SCMH1: variants seen among roughly 807,000 people sequenced by gnomAD.
SCMH1 encodes the protein Scm polycomb group protein homolog 1, also known as polycomb protein SCMH1.
A neutral mutation model predicts 70.8 loss-of-function variants in SCMH1; 37 were observed. That is an observed-to-expected ratio of 0.52 (90% CI 0.40 to 0.69). SCMH1 has a LOEUF of 0.69. Among genes scored for constraint, SCMH1 ranks in the 30% least tolerant of loss-of-function variants. SCMH1 has a pLI of 0.00. For missense variants in SCMH1, 607 were observed against 827.3 expected (o/e 0.73, Z 3.27); for synonymous variants, 292 against 307.4 (o/e 0.95, Z 0.52).
At chr1:41,034,135 A>AC (rs1644947800) in intron 13 of SCMH1, 87 bp from the exon 14 acceptor site, 1 of 1,520,134 alleles carries the variant, frequency 6.6e-7, no homozygotes, top group African/African-American at 1.4e-5. Flanking sequence ...AGGTGAGATG[A>AC]CTGACTCAAG....
chr1:41,168,615 C>T (rs1646567618), intron 2 of SCMH1, among the ~76,000 whole-genome samples: 1 of 144,820 alleles, frequency 6.9e-6, no homozygotes, highest in South Asian at 2.2e-4. Flanking sequence ...ATCTCTATTT[C>T]ACTTGTGGAG....
At chr1:41,151,666 T>C (rs757426384) in exon 5 of SCMH1, 4 of 1,611,888 alleles carry the variant, frequency 2.5e-6, no homozygotes, top group Non-Finnish European at 3.4e-6. Flanking sequence ...TTTTAGGTAT[T>C]TGTCCCAGGT....
At chr1:41,126,322 T>A (rs1241326892) in intron 6 of SCMH1, among the ~76,000 whole-genome samples, 2 of 152,212 alleles carry the variant, frequency 1.3e-5, no homozygotes, top group African/African-American at 4.8e-5. Context: ...GGTTATTACA[T>A]CCATTTGATT....
At position 41,113,392 on chromosome 1, in the gene SCMH1, A is replaced by G. The variant is rs1393665109; in HGVS notation, c.636T>C (p.Asp212=). ...AGTAGTCAAAGGCCCCTCGCCACCCATCAAAAGTGACAAGCACCTCTGAGC... is the reference window on the plus strand; with the variant it reads ...AGTAGTCAAAGGCCCCTCGCCACCCGTCAAAAGTGACAAGCACCTCTGAGC... The change falls in exon 8 of 15, where the codon GAT becomes GAC. Residue 212 remains aspartate (D), a synonymous_variant. Transcript: ENST00000337495. This position sits in a 1 kb window ranked among gnomAD's most constrained non-coding sequence, Gnocchi z 4.3. The G allele has an allele frequency of 6.2e-7, 1 of 1,614,082 alleles. No individual in the cohort carries two copies. Among genetic ancestry groups the G allele is most frequent in the Non-Finnish European group, 8.5e-7 (1 of 1,179,966 alleles).
At chr1:41,152,881 T>C in intron 4 of SCMH1, 1 of 790,440 alleles carries the variant, frequency 1.3e-6, no homozygotes, top group Non-Finnish European at 1.9e-6. Context: ...GCCAAATAGA[T>C]TTGGCCAGAA....
chr1:41,060,857 G>A (rs989052789), intron 10 of SCMH1, among the ~76,000 whole-genome samples: 2 of 151,998 alleles, frequency 1.3e-5, no homozygotes, highest in African/African-American at 4.8e-5. Context: ...CTACATTGTT[G>A]CCTAGGTGCC....
chr1:41,186,075 T>A, intron 2 of SCMH1, 46 bp downstream of exon 2: 1 of 1,543,700 alleles, frequency 6.5e-7, no homozygotes, highest in Non-Finnish European at 8.8e-7. Flanking sequence ...CCTTGCTAGG[T>A]CTCTTAATCC....
chr1:41,094,284 T>C (rs1664476292), intron 8 of SCMH1, among the ~76,000 whole-genome samples: 1 of 152,214 alleles, frequency 6.6e-6, no homozygotes, highest in Admixed American at 6.5e-5. Flanking sequence ...ATCAAGTATA[T>C]CATTACTATT....
chr1:41,213,270 T>C (rs1201104528), intron 1 of SCMH1, among the ~76,000 whole-genome samples: 3 of 152,210 alleles, frequency 2.0e-5, no homozygotes, highest in Admixed American at 2.0e-4. Context: ...GACACATAGA[T>C]ATGTGATATT....
At chr1:41,200,353 A>G (rs894690548) in intron 1 of SCMH1, among the ~76,000 whole-genome samples, 2 of 151,942 alleles carry the variant, frequency 1.3e-5, no homozygotes, top group African/African-American at 4.8e-5. Context: ...GGTGGTAGGC[A>G]CCTGTAGTCC....
intron 9 of SCMH1, among the ~76,000 whole-genome samples, chr1:41,072,301 G>A (rs1442116806): frequency 6.6e-6 from 1 of 152,216 alleles, no homozygotes; most frequent in East Asian, 1.9e-4. Context: ...TGAGTTGGTG[G>A]TAGGATTTCA....
At chr1:41,161,315 G>C in intron 3 of SCMH1, 49 bp downstream of exon 3, 2 of 1,546,390 alleles carry the variant, frequency 1.3e-6, no homozygotes, top group Non-Finnish European at 1.7e-6. Context: ...TATGGGAAAA[G>C]ATGCCGAGTA....
intron 2 of SCMH1, among the ~76,000 whole-genome samples, chr1:41,179,704 A>G (rs1648133372): frequency 6.6e-6 from 1 of 152,246 alleles, no homozygotes; most frequent in Admixed American, 6.5e-5. Flanking sequence ...ACAGGCTCTG[A>G]AATTGAGGCG....
At chr1:41,218,428 A>C (rs954606110) in intron 1 of SCMH1, among the ~76,000 whole-genome samples, 4 of 152,174 alleles carry the variant, frequency 2.6e-5, no homozygotes, top group African/African-American at 9.7e-5. Context: ...GGGAGAACAC[A>C]ATATGACATC....
At chr1:41,047,993 C>CG (rs1335952478) in intron 11 of SCMH1, among the ~76,000 whole-genome samples, 1 of 152,088 alleles carries the variant, frequency 6.6e-6, no homozygotes, top group Non-Finnish European at 1.5e-5. Flanking sequence ...TCCATGCCAG[C>CG]GGGGTTTCCT....
rs967797077 is a variant in SCMH1 at position 41,196,187 on chromosome 1, C to T, written c.-117-9937G>A. Among the ~76,000 whole-genome samples the T allele has an allele frequency of 7.2e-5, 11 of 152,072 alleles. No individual in the cohort carries two copies. In the East Asian group the frequency reaches 9.7e-4, roughly 13 times the overall value. On this transcript the variant is annotated intron_variant, in intron 1 of 14. Coordinates refer to ENST00000337495, the Ensembl canonical transcript of SCMH1. ...AACGCAATCCCTATCAAAATCCAAA[C>T]GGCATTTTTGCACAAATAGAAAAAG...
rs953971726 is a variant in SCMH1 at position 41,186,203 on chromosome 1, T to G, written c.-70A>C. 40 of 843,050 alleles carry G rather than the reference T, an allele frequency of 4.7e-5. No individual in the cohort carries two copies. The African/African-American group carries it at 6.2e-4, about 13-fold the overall frequency. The allele number at this position is 843,050 out of a possible 1,614,324, so 52.2% of individuals were successfully genotyped here. A position where few individuals can be genotyped will look rare whatever the true frequency, so the allele number is the denominator to read the frequency against. On this transcript the variant is annotated 5_prime_UTR_variant, in exon 2 of 15. Transcript: ENST00000337495. ...TTTATCCCTGGATCCACCAATACCT[T>G]GCTCTGACTTCTGACAAGTCAGTTT...
intron 1 of SCMH1, among the ~76,000 whole-genome samples, chr1:41,238,967 C>T (rs942671367): frequency 2.0e-5 from 3 of 152,146 alleles, no homozygotes; most frequent in Non-Finnish European, 2.9e-5. Flanking sequence ...ACACGGGACT[C>T]CTCACCCTCT....
intron 1 of SCMH1, among the ~76,000 whole-genome samples, chr1:41,229,438 T>C (rs1049849343): frequency 2.0e-5 from 3 of 152,130 alleles, no homozygotes. Flanking sequence ...ATGCCCTTTG[T>C]AGGGACATGG....
Sources: allele counts gnomAD v4.1 joint callset (sites outside exome capture counted in the v4.1 genomes callset), GRCh38; gene constraint gnomAD v4.1.1; non-coding constraint Gnocchi (gnomAD v3.1); transcripts MANE v1.5; gene names NCBI Gene and HGNC (gene_info 2026-07-23, HGNC 2026-07-21).